The following ZEB1 variants were observed in gnomAD, a reference collection of about 807,000 sequenced individuals.
ZEB1 encodes the protein zinc finger E-box binding homeobox 1.
Under a neutral mutation model 84.9 loss-of-function variants are expected in ZEB1, and 21 were observed. The observed-to-expected ratio is 0.25, with a 90% CI of 0.18 to 0.36. ZEB1 has a LOEUF of 0.36. Among genes scored for constraint, ZEB1 ranks in the 10% least tolerant of loss-of-function variants. The pLI, the probability that ZEB1 is intolerant of heterozygous loss-of-function variation, is 1.00. For synonymous variants in ZEB1, 420 were observed against 471.1 expected (o/e 0.89, Z 1.41); for missense variants, 1,104 against 1,330.2 (o/e 0.83, Z 2.65).
rs181533601 is a variant in ZEB1, at chr10:31,397,890, A to G, written c.59-63147A>G. Among the ~76,000 whole-genome samples, 6 of 152,316 alleles carry G rather than the reference A, an allele frequency of 3.9e-5. No individual in the cohort carries two copies. The East Asian group carries it at 1.2e-3, about 29-fold the overall frequency. On this transcript the variant is annotated intron_variant, in intron 1 of 8. Coordinates refer to ENST00000424869, the MANE Select transcript of ZEB1 (RefSeq NM_001174096.2). ...GATGCATGTGTTATTCTACAAGCAG[A>G]TACAATGCTTGTGGATAGATATTAT...
chr10:31,361,877 G>A (rs539278472), intron 1 of ZEB1, among the ~76,000 whole-genome samples: 2 of 150,370 alleles, frequency 1.3e-5, no homozygotes, highest in Admixed American at 1.3e-4. Flanking sequence ...TTCGCAGACG[G>A]GACGGCGGCA....
At chr10:31,435,148 A>G (rs903923282) in intron 1 of ZEB1, among the ~76,000 whole-genome samples, 2 of 152,240 alleles carry the variant, frequency 1.3e-5, no homozygotes, top group Non-Finnish European at 2.9e-5. Flanking sequence ...CAGTGGCAGA[A>G]TGATGCGACA....
chr10:31,461,363 T>C lies in ZEB1; in HGVS notation c.259+126T>C, dbSNP rs893935114. 22 of 983,130 alleles carry C rather than the reference T, an allele frequency of 2.2e-5. No homozygotes were observed. In the African/African-American group the frequency reaches 3.6e-4, roughly 16 times the overall value. 60.9% of individuals were successfully genotyped at this position (983,130 alleles called of 1,614,324 possible). A position where few individuals can be genotyped will look rare whatever the true frequency, so the allele number is the denominator to read the frequency against. On this transcript the variant is annotated intron_variant, in intron 2 of 8. Coordinates refer to ENST00000424869, the MANE Select transcript of ZEB1 (RefSeq NM_001174096.2). ...AGTAAATTTGGCTATCAATAAATAT[T>C]AGGTGTCCTACTTACTAAAAAGTGG...
chr10:31,447,436 T>G (rs2136883648), intron 1 of ZEB1, among the ~76,000 whole-genome samples: 1 of 129,928 alleles, frequency 7.7e-6, no homozygotes, highest in African/African-American at 3.0e-5. Context: ...TATTGTTATG[T>G]GTGAATTTGA....
chr10:31,382,232 A>G (rs1476573373), intron 1 of ZEB1, among the ~76,000 whole-genome samples: 2 of 151,964 alleles, frequency 1.3e-5, no homozygotes, highest in East Asian at 1.9e-4. Flanking sequence ...AACATTTAAC[A>G]TTTTGTGAGT....
intron 3 of ZEB1, among the ~76,000 whole-genome samples, chr10:31,500,520 G>C (rs1048253673): frequency 6.6e-6 from 1 of 152,052 alleles, no homozygotes; most frequent in Non-Finnish European, 1.5e-5. Flanking sequence ...CATGTAAACA[G>C]GAAAGACCAG....
intron 1 of ZEB1, chr10:31,321,149 C>G: frequency 9.4e-7 from 1 of 1,063,488 alleles, no homozygotes; most frequent in Non-Finnish European, 1.1e-6. Context: ...TCCCTCCCCT[C>G]TGGGATGCGA....
chr10:31,477,078 A>G (rs2064317911), intron 2 of ZEB1, among the ~76,000 whole-genome samples: 1 of 152,112 alleles, frequency 6.6e-6, no homozygotes, highest in Admixed American at 6.6e-5. Context: ...GGGCAAGAGA[A>G]AGAAACAAAA....
chr10:31,443,620 C>A (rs1209081304), intron 1 of ZEB1, among the ~76,000 whole-genome samples: 1 of 140,522 alleles, frequency 7.1e-6, no homozygotes, highest in East Asian at 2.1e-4. Flanking sequence ...TGTCCATGTG[C>A]TCTCATTGTT....
intron 1 of ZEB1, among the ~76,000 whole-genome samples, chr10:31,443,298 T>C (rs2059272049): frequency 6.6e-6 from 1 of 152,158 alleles, no homozygotes; most frequent in Admixed American, 6.5e-5. Flanking sequence ...TTTTTCACAA[T>C]TTGTCGTTTG....
chr10:31,333,605 A>G (rs1444565616), intron 1 of ZEB1, among the ~76,000 whole-genome samples: 3 of 152,062 alleles, frequency 2.0e-5, no homozygotes, highest in Admixed American at 1.3e-4. Context: ...AAGTAGAACA[A>G]GAAACAATAT....
intron 2 of ZEB1, among the ~76,000 whole-genome samples, chr10:31,481,191 C>G (rs998753190): frequency 6.6e-6 from 1 of 152,008 alleles, no homozygotes; most frequent in Non-Finnish European, 1.5e-5. Context: ...CTAGTGTGTT[C>G]AGGGCTATGG....
chr10:31,319,365 G>T, intron 1 of ZEB1, 73 bp downstream of exon 1: 1 of 1,502,066 alleles, frequency 6.7e-7, no homozygotes, highest in East Asian at 2.3e-5. Context: ...CCGGGGGTGA[G>T]GGGGGCGAGC....
intron 8 of ZEB1, 125 bp from the exon 9 acceptor site, chr10:31,526,547 G>A (rs1201271036): frequency 1.6e-6 from 2 of 1,230,632 alleles, no homozygotes; most frequent in Non-Finnish European, 2.3e-6. Context: ...TTTGGGACCT[G>A]GAAATGTTTT....
At chr10:31,507,476 T>C (rs1400126815) in intron 4 of ZEB1, among the ~76,000 whole-genome samples, 3 of 152,132 alleles carry the variant, frequency 2.0e-5, no homozygotes, top group Non-Finnish European at 4.4e-5. Context: ...AATTCGAATA[T>C]TTGGTTACTT....
At chr10:31,338,206 C>T (rs535239702) in intron 1 of ZEB1, among the ~76,000 whole-genome samples, 1 of 151,964 alleles carries the variant, frequency 6.6e-6, no homozygotes, top group Admixed American at 6.6e-5. Context: ...GTTACTATTG[C>T]ACTTGTGGAT....
At chr10:31,333,067 C>T (rs1285156873) in intron 1 of ZEB1, among the ~76,000 whole-genome samples, 1 of 152,072 alleles carries the variant, frequency 6.6e-6, no homozygotes, top group African/African-American at 2.4e-5. Context: ...ACATCATCTT[C>T]CTCTTGCTAA....
intron 4 of ZEB1, among the ~76,000 whole-genome samples, chr10:31,502,798 GT>G (rs953499130): frequency 2.6e-5 from 4 of 152,298 alleles, no homozygotes; most frequent in African/African-American, 9.6e-5. Flanking sequence ...GGCAGTAGAA[GT>G]GAGAACTATA....
chr10:31,529,668 G>C lies in ZEB1; in HGVS notation c.*2404G>C, dbSNP rs1226098303. 1 of 152,148 alleles carries C rather than the reference G, an allele frequency of 6.6e-6. No individual in the cohort carries two copies. Among genetic ancestry groups the C allele is most frequent in the African/African-American group, 2.4e-5 (1 of 41,442 alleles). The allele number at this position is 152,148 out of a possible 1,614,324, so 9.4% of individuals were successfully genotyped here. ...ATAAAAATATAATTTGCATGTTTAT[G>C]GAGCTCAGCTATGTTCTCACTTTTT... On this transcript the variant is annotated 3_prime_UTR_variant, in exon 9 of 9. Transcript: ENST00000424869.
Sources: allele counts gnomAD v4.1 joint callset (sites outside exome capture counted in the v4.1 genomes callset), GRCh38; gene constraint gnomAD v4.1.1; transcripts MANE v1.5; gene names NCBI Gene and HGNC (gene_info 2026-07-23, HGNC 2026-07-21).